DGKD: variants seen among roughly 807,000 people sequenced by gnomAD.
DGKD encodes diacylglycerol kinase delta, also known as DAG kinase delta.
DGKD carries 68 observed loss-of-function variants against 154.4 expected under a neutral mutation model. The observed-to-expected ratio is 0.44, with a 90% CI of 0.36 to 0.54. DGKD has a LOEUF of 0.54. Among genes scored for constraint, DGKD ranks in the 20% least tolerant of loss-of-function variants. DGKD has a pLI of 0.00. For missense variants in DGKD, 1,343 were observed against 1,593.6 expected (o/e 0.84, Z 2.68); for synonymous variants, 693 against 638.0 (o/e 1.09, Z -1.30).
intron 2 of DGKD, chr2:233,388,677 C>T (rs1347973554): frequency 2.8e-5 from 6 of 216,482 alleles, no homozygotes; most frequent in East Asian, 9.8e-5. Context: ...GAGGGAATCA[C>T]GGGGCTATGA....
intron 10 of DGKD, among the ~76,000 whole-genome samples, chr2:233,444,862 CCCACACACT>C (rs1258067398): frequency 4.4e-5 from 2 of 45,764 alleles, no homozygotes; most frequent in African/African-American, 2.0e-4. Flanking sequence ...GTAACGCCTC[CCCACACACT>C]CCACCGCAGC....
At chr2:233,370,506 C>T (rs1278230229) in intron 1 of DGKD, among the ~76,000 whole-genome samples, 2 of 151,862 alleles carry the variant, frequency 1.3e-5, no homozygotes, top group Non-Finnish European at 2.9e-5. Context: ...CGTGAGCCAC[C>T]GCACCCGGCC....
chr2:233,431,389 G>A lies in DGKD; in HGVS notation c.349-2991G>A, dbSNP rs1438499186. Among the ~76,000 whole-genome samples, 4 of 152,294 alleles carry A rather than the reference G, an allele frequency of 2.6e-5. No individual in the cohort carries two copies. In the East Asian group the frequency reaches 7.7e-4, roughly 29 times the overall value. On this transcript the variant is annotated intron_variant, in intron 3 of 29. Coordinates refer to ENST00000264057, the MANE Select transcript of DGKD (RefSeq NM_152879.3). The stretch of plus-strand genomic sequence containing the variant: ...CTGGAAGAATCAACATTGTGAAAAT[G>A]TTCGTATTACCCAAAGCAGTCTACA...
intron 24 of DGKD, among the ~76,000 whole-genome samples, chr2:233,461,986 C>T (rs971116528): frequency 6.6e-6 from 1 of 152,254 alleles, no homozygotes; most frequent in African/African-American, 2.4e-5. Context: ...TTACAGGTTC[C>T]AGCAAGGCTG....
At chr2:233,456,543 C>G (rs1383886734) in intron 19 of DGKD, among the ~76,000 whole-genome samples, 1 of 152,056 alleles carries the variant, frequency 6.6e-6, no homozygotes. Flanking sequence ...TGGTGCTTTT[C>G]TATATTTTCC....
intron 1 of DGKD, among the ~76,000 whole-genome samples, chr2:233,381,851 G>A (rs943207860): frequency 2.0e-5 from 3 of 152,164 alleles, no homozygotes; most frequent in African/African-American, 7.2e-5. Flanking sequence ...TTTGTTAACT[G>A]GAATACTAGT....
Position 233,454,847 on chromosome 2 carries a change from G to A in DGKD, c.2349G>A (p.Lys783=), listed in dbSNP as rs758423772. The A allele has an allele frequency of 1.2e-5, 20 of 1,613,698 alleles. No homozygotes were observed. In the East Asian group the frequency reaches 4.0e-4, roughly 32 times the overall value. ...DAKISLDFNN[K]RDEHPEKCRS... ...AGATATCCCTGGACTTTAACAACAAGCGCGATGAGCACCCAGAGAAGTGCA... is the reference window on the plus strand; with the variant it reads ...AGATATCCCTGGACTTTAACAACAAACGCGATGAGCACCCAGAGAAGTGCA... The change falls in exon 19 of 30, where the codon AAG becomes AAA. Residue 783 remains lysine (K), a synonymous_variant. Coordinates refer to ENST00000264057, the MANE Select transcript of DGKD (RefSeq NM_152879.3).
chr2:233,467,992 T>G (rs775144565), intron 28 of DGKD, among the ~76,000 whole-genome samples: 1 of 152,128 alleles, frequency 6.6e-6, no homozygotes, highest in Non-Finnish European at 1.5e-5. Context: ...GCCACAATCA[T>G]GAGGACATTT....
chr2:233,391,891 A>G (rs1012863786), intron 3 of DGKD, among the ~76,000 whole-genome samples: 4 of 152,036 alleles, frequency 2.6e-5, no homozygotes, highest in Non-Finnish European at 5.9e-5. Flanking sequence ...AGTTTTCTCT[A>G]TTAATTTATT....
intron 1 of DGKD, among the ~76,000 whole-genome samples, chr2:233,363,045 G>C (rs1701857478): frequency 6.6e-6 from 1 of 152,190 alleles, no homozygotes; most frequent in African/African-American, 2.4e-5. Context: ...ACTGGTTTAT[G>C]TATTTACTAT....
rs1559182389 is a variant in DGKD at position 233,462,704 on chromosome 2, CGG to C, written c.3156_3157del (p.Glu1053AlafsTer63). The C allele has an allele frequency of 6.2e-7, 1 of 1,614,058 alleles. No homozygotes were observed. The highest frequency in any genetic ancestry group is 8.5e-7 in the Non-Finnish European group (1 of 1,180,016). On this transcript the variant is annotated frameshift_variant, in exon 26 of 30. Coordinates refer to ENST00000264057, the MANE Select transcript of DGKD (RefSeq NM_152879.3). LOFTEE classifies it high-confidence loss of function. ...AACTTCAGAGCTCTGCGCAGTGAGACGGAGCTGCTGCTGTCTGGGAAGATGGC... is the reference window on the plus strand; with the variant it reads ...AACTTCAGAGCTCTGCGCAGTGAGACAGCTGCTGCTGTCTGGGAAGATGGC...
At chr2:233,419,432 C>G (rs1200009623) in intron 3 of DGKD, 1 of 985,558 alleles carries the variant, frequency 1.0e-6, no homozygotes, top group Admixed American at 6.1e-5. Context: ...GTAAGAGCCC[C>G]AGGGGACAGT....
In DGKD at chr2:233,438,770, CT is replaced by C. The variant is rs1211475025; in HGVS notation, c.1085+392del. 1.9e-4 allele frequency among the ~76,000 whole-genome samples: 21 copies of C among 113,470 alleles called. No homozygotes were observed. Among genetic ancestry groups the C allele is most frequent in the African/African-American group, 7.1e-4 (19 of 26,902 alleles). The allele number at this position is 113,470 out of a possible 152,430, so 74.4% of individuals were successfully genotyped here. A position where few individuals can be genotyped will look rare whatever the true frequency, so the allele number is the denominator to read the frequency against. On this transcript the variant is annotated intron_variant, in intron 9 of 29. Coordinates refer to ENST00000264057, the MANE Select transcript of DGKD (RefSeq NM_152879.3). The surrounding 1 kb of genome is among the most constrained non-coding windows in gnomAD (Gnocchi z 4.1). ...GTCTATCTATCATCTATCTATCTAT[CT>C]ATCTATCTATCTATCTATCTATCTA...
At chr2:233,394,871 T>C (rs547895611) in intron 3 of DGKD, among the ~76,000 whole-genome samples, 1 of 151,642 alleles carries the variant, frequency 6.6e-6, no homozygotes, top group South Asian at 2.1e-4. Context: ...CACACCCAGC[T>C]AATTTTTTAT....
intron 27 of DGKD, among the ~76,000 whole-genome samples, chr2:233,466,012 A>C (rs1382333177): frequency 6.6e-6 from 1 of 152,222 alleles, no homozygotes; most frequent in Non-Finnish European, 1.5e-5. Context: ...TGTTATGTAT[A>C]GTCATCAACT....
rs772416047 is a variant in DGKD at position 233,457,406 on chromosome 2, G to A, written c.2580+78G>A. On this transcript the variant is annotated intron_variant, in intron 21 of 29. Transcript: ENST00000264057. This position sits in a 1 kb window ranked among gnomAD's most constrained non-coding sequence, Gnocchi z 5.5. Reference sequence around the variant, plus strand: ...TGAGAGCAGGGGGGTGTTCTGCTGTGGCTGGGGTGGATCCAGCTCTTCTGT... The same window carrying A: ...TGAGAGCAGGGGGGTGTTCTGCTGTAGCTGGGGTGGATCCAGCTCTTCTGT... The A allele has an allele frequency of 1.8e-6, 2 of 1,085,276 alleles. No individual in the cohort carries two copies. Among genetic ancestry groups the A allele is most frequent in the Non-Finnish European group, 1.4e-6 (1 of 708,544 alleles). 67.2% of individuals were successfully genotyped at this position (1,085,276 alleles called of 1,614,324 possible). A position where few individuals can be genotyped will look rare whatever the true frequency, so the allele number is the denominator to read the frequency against.
chr2:233,369,701 G>A (rs879697911), intron 1 of DGKD, among the ~76,000 whole-genome samples: 4 of 152,178 alleles, frequency 2.6e-5, no homozygotes, highest in Non-Finnish European at 5.9e-5. Context: ...GGGGCTGGCC[G>A]TGGGGTGATC....
Position 233,442,012 on chromosome 2 carries a change from G to T in DGKD, c.1194+17G>T, listed in dbSNP as rs1363213049. On this transcript the variant is annotated intron_variant, in intron 10 of 29. Transcript: ENST00000264057. The stretch of plus-strand genomic sequence containing the variant: ...CATAAACAGGTACCAGGACAGGAGG[G>T]AGCCCAGCCAGGAGCAGAGAGGGTG... The T allele has an allele frequency of 1.3e-5, 21 of 1,610,212 alleles. No homozygotes were observed. The highest frequency in any genetic ancestry group is 1.8e-5 in the Non-Finnish European group (21 of 1,176,450).
chr2:233,445,838 TG>T lies in DGKD; in HGVS notation c.1334+80del. 2 of 1,473,060 alleles carry T rather than the reference TG, an allele frequency of 1.4e-6. No homozygotes were observed. The highest frequency in any genetic ancestry group is 2.9e-5 in the South Asian group (2 of 69,834). 91.2% of individuals were successfully genotyped at this position (1,473,060 alleles called of 1,614,324 possible). On this transcript the variant is annotated intron_variant, in intron 11 of 29. Transcript: ENST00000264057. This position sits in a 1 kb window ranked among gnomAD's most constrained non-coding sequence, Gnocchi z 5.5. ...TCCCTTTGACCAGGTGTTCTTAACC[TG>T]GGGTCTGTGGAAAACATGGGCCCTC...
Sources: gnomAD v4.1 joint callset for allele counts (sites outside exome capture counted in the v4.1 genomes callset) on GRCh38, gnomAD v4.1.1 for gene constraint, Gnocchi (gnomAD v3.1) non-coding constraint, MANE v1.5 for transcripts, NCBI Gene and HGNC (gene_info 2026-07-23, HGNC 2026-07-21) for gene names.